The following ARFGEF2 variants were observed in gnomAD, a reference collection of about 807,000 sequenced individuals.
ARFGEF2 encodes brefeldin A-inhibited guanine nucleotide-exchange protein 2.
In ARFGEF2, 74 loss-of-function variants were observed where a neutral mutation model predicts 219.9. The observed-to-expected ratio is 0.34, with a 90% CI of 0.28 to 0.41. The LOEUF (loss-of-function observed/expected upper bound fraction) is 0.41. Among genes scored for constraint, ARFGEF2 ranks in the 10% least tolerant of loss-of-function variants. The probability of loss-of-function intolerance (pLI) is 1.00; values close to 1 mark genes in which losing one functional copy is unlikely to be tolerated. For synonymous variants in ARFGEF2, 733 were observed against 799.2 expected (o/e 0.92, Z 1.40); for missense variants, 1,743 against 2,218.3 (o/e 0.79, Z 4.30).
intron 37 of ARFGEF2, among the ~76,000 whole-genome samples, chr20:49,029,551 A>G (rs546284412): frequency 1.3e-5 from 2 of 152,178 alleles, no homozygotes; most frequent in East Asian, 1.9e-4. Context: ...AAGCTGTAAT[A>G]TGTCCTAAAT....
chr20:48,928,292 G>A (rs2090891096), intron 1 of ARFGEF2, among the ~76,000 whole-genome samples: 1 of 139,296 alleles, frequency 7.2e-6, no homozygotes, highest in South Asian at 2.4e-4. Flanking sequence ...TCCGCCTCCC[G>A]GGTTCACGCC....
intron 11 of ARFGEF2, 33 bp downstream of exon 11, chr20:48,972,458 C>T: frequency 6.7e-7 from 1 of 1,482,772 alleles, no homozygotes; most frequent in Non-Finnish European, 9.4e-7. Context: ...ATCCACTGGA[C>T]TTCTGATGCT....
At position 49,033,162 on chromosome 20, in the gene ARFGEF2, C is replaced by T. The variant is rs887123458; in HGVS notation, c.5321C>T (p.Pro1774Leu). 7 of 1,614,112 alleles carry T rather than the reference C, an allele frequency of 4.3e-6. No homozygotes were observed. In the East Asian group the frequency reaches 1.3e-4, roughly 31 times the overall value. ...TATAAGATATGGATACCAGAAGAGC[C>T]ATCACAGGTACCAGCAGCACTGTCA... ...VVYKIWIPEE[P>L]SQVPAALSPV... The change falls in exon 39 of 39, where the codon CCA becomes CTA. Residue 1774 changes from proline (P) to leucine (L), a missense_variant. Physicochemically the swap from Pro to Leu is moderately conservative, Grantham distance 98. Transcript: ENST00000371917.
chr20:48,972,783 A>C (rs185527400), intron 11 of ARFGEF2, among the ~76,000 whole-genome samples: 1 of 152,360 alleles, frequency 6.6e-6, no homozygotes, highest in Admixed American at 6.5e-5. Context: ...TTTACCTTAC[A>C]CTATACAATT....
In ARFGEF2 at chr20:49,017,235, G is replaced by A. The variant is rs765698824; in HGVS notation, c.4316-14G>A. 6.2e-7 allele frequency: 1 copy of A among 1,613,516 alleles called. No homozygotes were observed. Among genetic ancestry groups the A allele is most frequent in the East Asian group, 2.2e-5 (1 of 44,862 alleles). The stretch of plus-strand genomic sequence containing the variant: ...CAGTAGAAGTTTAATGATAGATACT[G>A]CTTTATTTTACAGATAATGAACAGT... On this transcript the variant is annotated splice_polypyrimidine_tract_variant and intron_variant, in intron 31 of 38. Coordinates refer to ENST00000371917, the MANE Select transcript of ARFGEF2 (RefSeq NM_006420.3).
intron 23 of ARFGEF2, among the ~76,000 whole-genome samples, chr20:48,997,854 A>C (rs2091401590): frequency 6.6e-6 from 1 of 151,826 alleles, no homozygotes; most frequent in African/African-American, 2.4e-5. Flanking sequence ...TACCAAATCT[A>C]ATGTTTATTT....
chr20:49,017,104 A>G, intron 31 of ARFGEF2, 145 bp from the exon 32 acceptor site: 3 of 735,412 alleles, frequency 4.1e-6, no homozygotes, highest in Non-Finnish European at 6.5e-6. Flanking sequence ...AAAAATTTTA[A>G]TACTGTCTGT....
intron 15 of ARFGEF2, 158 bp downstream of exon 15, chr20:48,984,998 C>G (rs1013430557): frequency 6.0e-5 from 47 of 786,408 alleles, no homozygotes; most frequent in Non-Finnish European, 6.6e-5. Flanking sequence ...TTACAGCAGT[C>G]CTGTGTATCC....
At chr20:48,950,901 TTTA>T (rs549008556) in intron 3 of ARFGEF2, among the ~76,000 whole-genome samples, 90 of 148,414 alleles carry the variant, frequency 6.1e-4, no homozygotes, top group South Asian at 3.9e-3. Context: ...TGATTTTTAG[TTTA>T]TTGACAGAGT....
At chr20:48,964,835 C>CT (rs902413758) in intron 7 of ARFGEF2, among the ~76,000 whole-genome samples, 9 of 151,816 alleles carry the variant, frequency 5.9e-5, no homozygotes, top group African/African-American at 1.7e-4. Flanking sequence ...TTTTCATCAG[C>CT]TTTTTTTTAA....
chr20:48,971,130 C>T lies in ARFGEF2; in HGVS notation c.1201C>T (p.Leu401=), dbSNP rs2091224528. 1 of 1,613,988 alleles carries T rather than the reference C, an allele frequency of 6.2e-7. No homozygotes were observed. The highest frequency in any genetic ancestry group is 1.3e-5 in the African/African-American group (1 of 74,896). ...EGPPDPKSHE[L]RSKVVSLQLL... ...CATTTTCTTTGCCAGATCCCATGAG[C>T]TGCGTTCCAAGGTGGTTTCCCTGCA... The change falls in exon 10 of 39, where the codon CTG becomes TTG. Residue 401 remains leucine, a synonymous_variant. Coordinates refer to ENST00000371917, the MANE Select transcript of ARFGEF2 (RefSeq NM_006420.3).
chr20:48,954,355 T>TAAATG (rs2091092647), intron 6 of ARFGEF2, among the ~76,000 whole-genome samples: 1 of 152,204 alleles, frequency 6.6e-6, no homozygotes, highest in Admixed American at 6.5e-5. Flanking sequence ...ATTCTTAAAG[T>TAAATG]AAATGAAATG....
intron 1 of ARFGEF2, 54 bp from the exon 2 acceptor site, chr20:48,941,145 C>T: frequency 6.6e-7 from 1 of 1,523,426 alleles, no homozygotes; most frequent in Non-Finnish European, 9.0e-7. Flanking sequence ...GTAAAGTTTT[C>T]CTTTACATAA....
In ARFGEF2 at chr20:48,953,546, T is replaced by A; in HGVS notation, c.604-10T>A. The A allele has an allele frequency of 6.2e-7, 1 of 1,613,180 alleles. No homozygotes were observed. Among genetic ancestry groups the A allele is most frequent in the Non-Finnish European group, 8.5e-7 (1 of 1,179,128 alleles). On this transcript the variant is annotated splice_polypyrimidine_tract_variant and intron_variant, in intron 5 of 38. Coordinates refer to ENST00000371917, the MANE Select transcript of ARFGEF2 (RefSeq NM_006420.3). ...CCAAAATGCTGTATCCCCCTTTTGT[T>A]GCCTTTTAGTTGCAGGAGGCCAGAG...
intron 3 of ARFGEF2, among the ~76,000 whole-genome samples, chr20:48,947,989 C>T (rs972364652): frequency 1.3e-5 from 2 of 152,136 alleles, no homozygotes; most frequent in Non-Finnish European, 2.9e-5. Context: ...CTGTAGGAAA[C>T]CATTAATCTA....
chr20:48,988,561 C>T lies in ARFGEF2; in HGVS notation c.2432C>T (p.Pro811Leu), dbSNP rs1377360405. 1 of 1,613,356 alleles carries T rather than the reference C, an allele frequency of 6.2e-7. No individual in the cohort carries two copies. Among genetic ancestry groups the T allele is most frequent in the South Asian group, 1.1e-5 (1 of 91,050 alleles). Residue 811 changes from proline to leucine, a missense_variant, in exon 18 of 39, where the codon CCA (proline) becomes CTA (leucine). Transcript: ENST00000371917. Reference protein sequence around the residue: ...NRGINDSKDLPEEYLSSIYEE... With the variant: ...NRGINDSKDLLEEYLSSIYEE... ...GGTATCAATGATAGTAAAGATCTGC[C>T]AGAAGAGTATCTCTCAAGCATCTAT...
intron 1 of ARFGEF2, among the ~76,000 whole-genome samples, chr20:48,938,777 G>A (rs2123307476): frequency 6.6e-6 from 1 of 152,272 alleles, no homozygotes; most frequent in Non-Finnish European, 1.5e-5. Context: ...TAGCACCTGT[G>A]AGCTGAGGGA....
rs567240870 is a variant in ARFGEF2 at position 48,947,027 on chromosome 20, G to A, written c.277-4296G>A. The stretch of plus-strand genomic sequence containing the variant: ...TTACTTTGTTGCCCAGGCTGGTCTC[G>A]AACTCCTGGCCTCAAGTGAATAATA... On this transcript the variant is annotated intron_variant, in intron 3 of 38. Transcript: ENST00000371917. Among the ~76,000 whole-genome samples, 346 of 152,118 alleles carry A rather than the reference G, an allele frequency of 2.3e-3. 2 individuals carry two copies. Among genetic ancestry groups the A allele is most frequent in the Middle Eastern group, 6.8e-3 (2 of 294 alleles).
intron 21 of ARFGEF2, among the ~76,000 whole-genome samples, chr20:48,993,547 A>G (rs2091369025): frequency 6.6e-6 from 1 of 152,252 alleles, no homozygotes; most frequent in African/African-American, 2.4e-5. Flanking sequence ...TTGTAAGGTC[A>G]GCGTAAAAAG....
Sources: allele counts gnomAD v4.1 joint callset (sites outside exome capture counted in the v4.1 genomes callset), GRCh38; gene constraint gnomAD v4.1.1; transcripts MANE v1.5; gene names NCBI Gene and HGNC (gene_info 2026-07-23, HGNC 2026-07-21).